Variants in HSPA12A observed in about 807,000 individuals in gnomAD.
HSPA12A encodes the protein heat shock 70 kDa protein 12A.
A neutral mutation model predicts 69.2 loss-of-function variants in HSPA12A; 28 were observed. That is an observed-to-expected ratio of 0.40 (90% CI 0.30 to 0.55). HSPA12A has a LOEUF of 0.55. Ranked by LOEUF, HSPA12A falls within the 20% of genes least tolerant of loss-of-function variation. HSPA12A has a pLI of 0.38. For synonymous variants in HSPA12A, 345 were observed against 370.5 expected (o/e 0.93, Z 0.79); for missense variants, 686 against 900.7 (o/e 0.76, Z 3.05).
At chr10:116,676,325 C>G (rs1220036179) in intron 11 of HSPA12A, 74 bp downstream of exon 11, 2 of 1,247,120 alleles carry the variant, frequency 1.6e-6, no homozygotes, top group Non-Finnish European at 2.3e-6. Context: ...CAGGCACCAG[C>G]TGGTGATGCT....
chr10:116,835,497 C>T (rs1326508943), intron 1 of HSPA12A, among the ~76,000 whole-genome samples: 4 of 152,124 alleles, frequency 2.6e-5, no homozygotes, highest in Non-Finnish European at 5.9e-5. Context: ...TCCCAGGGTA[C>T]TCCTCGTCCT....
intron 1 of HSPA12A, among the ~76,000 whole-genome samples, chr10:116,740,115 C>T (rs1366085064): frequency 1.3e-5 from 2 of 152,226 alleles, no homozygotes; most frequent in Non-Finnish European, 2.9e-5. Context: ...GTGGTAACCA[C>T]TGCACACATG....
intron 2 of HSPA12A, among the ~76,000 whole-genome samples, chr10:116,793,250 CAAT>C (rs1276232409): frequency 3.2e-4 from 49 of 152,318 alleles, no homozygotes; most frequent in African/African-American, 1.2e-3. Context: ...CATAAAACAA[CAAT>C]GATAATGCCT....
At chr10:116,802,036 C>G (rs115567014) in intron 2 of HSPA12A, among the ~76,000 whole-genome samples, 1 of 152,050 alleles carries the variant, frequency 6.6e-6, no homozygotes, top group Non-Finnish European at 1.5e-5. Flanking sequence ...TGCTAGCCAC[C>G]CTGGGGAGGG....
chr10:116,761,270 G>C (rs1665675), intron 2 of HSPA12A, among the ~76,000 whole-genome samples: 12,325 of 152,190 alleles, frequency 0.081, 696 homozygotes, highest in East Asian at 0.27. Context: ...TGGATCACTT[G>C]AGGTTAGGAG....
At chr10:116,705,385 A>C in intron 2 of HSPA12A, 107 bp from the exon 3 acceptor site, 1 of 1,283,738 alleles carries the variant, frequency 7.8e-7, no homozygotes, top group South Asian at 1.2e-5. Flanking sequence ...CCCTGCAGAC[A>C]GAAAGACATT....
At chr10:116,763,611 G>A (rs1844017604) in intron 2 of HSPA12A, among the ~76,000 whole-genome samples, 1 of 152,166 alleles carries the variant, frequency 6.6e-6, no homozygotes, top group Non-Finnish European at 1.5e-5. Context: ...CTCTATTTGA[G>A]GCCTTGGCCC....
In HSPA12A at chr10:116,780,661, T is replaced by C. The variant is rs193074624; in HGVS notation, c.91+54274A>G. Reference sequence around the variant, plus strand: ...ATTACCAGGGAACCTAATTATTTGTTAATACGATTATCAAATCCTTTTAAA... The same window carrying C: ...ATTACCAGGGAACCTAATTATTTGTCAATACGATTATCAAATCCTTTTAAA... On this transcript the variant is annotated intron_variant, in intron 2 of 12. Transcript: ENST00000635765. 2.2e-3 allele frequency among the ~76,000 whole-genome samples: 342 copies of C among 152,324 alleles called. 1 individual carries two copies. The highest frequency in any genetic ancestry group is 7.2e-3 in the African/African-American group (301 of 41,564).
At chr10:116,690,256 T>C (rs1849698983) in intron 6 of HSPA12A, among the ~76,000 whole-genome samples, 1 of 152,136 alleles carries the variant, frequency 6.6e-6, no homozygotes, top group Admixed American at 6.6e-5. Context: ...AACCCAAAAG[T>C]ATGCAAGGCT....
intron 1 of HSPA12A, among the ~76,000 whole-genome samples, chr10:116,724,841 T>TA (rs1172502233): frequency 4.8e-4 from 73 of 152,208 alleles, no homozygotes; most frequent in African/African-American, 1.7e-3. Context: ...CCCCAGGTCT[T>TA]TGCCTGCTCC....
chr10:116,820,450 G>A (rs986075429), intron 2 of HSPA12A, among the ~76,000 whole-genome samples: 1 of 152,032 alleles, frequency 6.6e-6, no homozygotes, highest in Admixed American at 6.5e-5. Context: ...CCTGCCTGCT[G>A]TTTCCACCAA....
At chr10:116,724,747 C>T (rs188739288) in intron 1 of HSPA12A, among the ~76,000 whole-genome samples, 35 of 152,318 alleles carry the variant, frequency 2.3e-4, no homozygotes, top group Non-Finnish European at 4.6e-4. Context: ...AGTGACGCCT[C>T]CTGTCCCTTC....
At chr10:116,849,157 G>A (rs560440203) in intron 1 of HSPA12A, among the ~76,000 whole-genome samples, 41 of 152,308 alleles carry the variant, frequency 2.7e-4, no homozygotes, top group Admixed American at 5.2e-4. Context: ...GGGAGGGCGG[G>A]GTGGCCCAAG....
At chr10:116,848,362 T>A (rs1418045940) in intron 1 of HSPA12A, among the ~76,000 whole-genome samples, 1 of 152,258 alleles carries the variant, frequency 6.6e-6, no homozygotes, top group Non-Finnish European at 1.5e-5. Flanking sequence ...TAGCATCACA[T>A]TTTTATGCAT....
At chr10:116,827,126 G>C (rs956919449) in intron 2 of HSPA12A, among the ~76,000 whole-genome samples, 3 of 152,204 alleles carry the variant, frequency 2.0e-5, no homozygotes, top group Non-Finnish European at 4.4e-5. Context: ...ACTGAGCTGC[G>C]CTTAACCAGC....
chr10:116,797,321 C>T (rs1430465683), intron 2 of HSPA12A, among the ~76,000 whole-genome samples: 2 of 152,122 alleles, frequency 1.3e-5, no homozygotes, highest in Non-Finnish European at 2.9e-5. Context: ...TGTGGGTCAT[C>T]GTCCTTGACC....
At chr10:116,800,856 G>A (rs1844940651) in intron 2 of HSPA12A, among the ~76,000 whole-genome samples, 1 of 152,188 alleles carries the variant, frequency 6.6e-6, no homozygotes, top group African/African-American at 2.4e-5. Flanking sequence ...TTGCAGCCTT[G>A]AAGCCTTGAA....
chr10:116,738,149 C>A (rs1327279875), intron 1 of HSPA12A, among the ~76,000 whole-genome samples: 1 of 152,244 alleles, frequency 6.6e-6, no homozygotes, highest in Non-Finnish European at 1.5e-5. Context: ...ATTGAGTCGT[C>A]ACTCCAGGCC....
chr10:116,683,569 T>G (rs779074995), intron 7 of HSPA12A: 3 of 389,202 alleles, frequency 7.7e-6, no homozygotes, highest in Non-Finnish European at 1.4e-5. Context: ...CCCCAGACAC[T>G]TGGTGGGTGA....
Sources: allele counts gnomAD v4.1 joint callset (sites outside exome capture counted in the v4.1 genomes callset), GRCh38; gene constraint gnomAD v4.1.1; transcripts MANE v1.5; gene names NCBI Gene and HGNC (gene_info 2026-07-23, HGNC 2026-07-21).